LINGO2: variants seen among roughly 807,000 people sequenced by gnomAD.
LINGO2 encodes the protein leucine-rich repeat and immunoglobulin-like domain-containing nogo receptor-interacting protein 2.
Under a neutral mutation model 30.6 loss-of-function variants are expected in LINGO2, and 14 were observed. The ratio of observed to expected loss-of-function variants is 0.46; its 90% CI spans 0.30 to 0.72. LINGO2 has a LOEUF of 0.72. Ranked by LOEUF, LINGO2 falls within the 30% of genes least tolerant of loss-of-function variation. The pLI, the probability that LINGO2 is intolerant of heterozygous loss-of-function variation, is 0.07. For synonymous variants in LINGO2, 317 were observed against 288.5 expected (o/e 1.10, Z -1.00); for missense variants, 729 against 751.7 (o/e 0.97, Z 0.35).
intron 4 of LINGO2, among the ~76,000 whole-genome samples, chr9:28,158,666 T>C (rs1279723526): frequency 1.3e-5 from 2 of 152,100 alleles, no homozygotes; most frequent in Non-Finnish European, 2.9e-5. Context: ...AGGGTAACAA[T>C]GAAGAGCCAC....
At chr9:28,732,303 A>G in the LINGO2 span, among the ~76,000 whole-genome samples, 1 of 152,102 alleles carries the variant, frequency 6.6e-6, no homozygotes, top group Admixed American at 6.6e-5. Flanking sequence ...TTGCCAACCC[A>G]GATGCAAAAT....
chr9:28,708,631 C>T, the LINGO2 span, among the ~76,000 whole-genome samples: 65 of 152,036 alleles, frequency 4.3e-4, no homozygotes, highest in African/African-American at 1.2e-3. Flanking sequence ...GGAACTCAGC[C>T]GAGAAAGCCA....
At chr9:28,574,263 T>C (rs1270858533) in intron 1 of LINGO2, among the ~76,000 whole-genome samples, 1 of 152,294 alleles carries the variant, frequency 6.6e-6, no homozygotes, top group East Asian at 1.9e-4. Context: ...AAATTTAACA[T>C]TTGCAATAAT....
chr9:28,393,486 G>T (rs1821917262), intron 2 of LINGO2, among the ~76,000 whole-genome samples: 1 of 151,070 alleles, frequency 6.6e-6, no homozygotes, highest in Non-Finnish European at 1.5e-5. Flanking sequence ...TGTTTTGCTG[G>T]TTGCCAAATC....
At chr9:28,592,218 G>C (rs1426066635) in intron 1 of LINGO2, among the ~76,000 whole-genome samples, 2 of 152,022 alleles carry the variant, frequency 1.3e-5, no homozygotes, top group Admixed American at 1.3e-4. Flanking sequence ...AGAAAACGGA[G>C]TATTAAAAAG....
the LINGO2 span, among the ~76,000 whole-genome samples, chr9:28,943,521 T>C: frequency 6.6e-6 from 1 of 152,310 alleles, no homozygotes; most frequent in Non-Finnish European, 1.5e-5. Flanking sequence ...CTTATTGTTT[T>C]ATTTGCATAG....
At chr9:28,173,196 G>A (rs1174142629) in intron 4 of LINGO2, among the ~76,000 whole-genome samples, 1 of 152,164 alleles carries the variant, frequency 6.6e-6, no homozygotes, top group African/African-American at 2.4e-5. Flanking sequence ...GTGTATCAGT[G>A]TATTACACTA....
chr9:28,921,227 G>A, the LINGO2 span, among the ~76,000 whole-genome samples: 1 of 152,080 alleles, frequency 6.6e-6, no homozygotes, highest in African/African-American at 2.4e-5. Context: ...CTAATCACTG[G>A]AAAAATAATA....
chr9:29,142,986 A>C, the LINGO2 span, among the ~76,000 whole-genome samples: 1 of 152,040 alleles, frequency 6.6e-6, no homozygotes, highest in Non-Finnish European at 1.5e-5. Flanking sequence ...AATCAGTGGA[A>C]TTTTAATTCT....
intron 2 of LINGO2, among the ~76,000 whole-genome samples, chr9:28,453,410 C>T (rs967040844): frequency 6.6e-6 from 1 of 151,752 alleles, no homozygotes; most frequent in African/African-American, 2.4e-5. Flanking sequence ...TATAAAGAAA[C>T]CTGATGCAAC....
At chr9:29,187,732 T>C in the LINGO2 span, among the ~76,000 whole-genome samples, 1 of 151,658 alleles carries the variant, frequency 6.6e-6, no homozygotes, top group Admixed American at 6.6e-5. Context: ...GTAAATTCAA[T>C]GGTCTAGGTA....
At chr9:28,689,826 A>C in the LINGO2 span, among the ~76,000 whole-genome samples, 17 of 152,236 alleles carry the variant, frequency 1.1e-4, no homozygotes, top group African/African-American at 3.8e-4. Flanking sequence ...AACCTAAATG[A>C]CCATCAATGA....
chr9:28,437,854 C>T (rs1824016181), intron 2 of LINGO2, among the ~76,000 whole-genome samples: 1 of 152,094 alleles, frequency 6.6e-6, no homozygotes, highest in Non-Finnish European at 1.5e-5. Flanking sequence ...AAAATTCTGC[C>T]AGGCATAATT....
At chr9:28,304,912 T>G (rs1201497032) in intron 3 of LINGO2, among the ~76,000 whole-genome samples, 1 of 152,016 alleles carries the variant, frequency 6.6e-6, no homozygotes, top group African/African-American at 2.4e-5. Flanking sequence ...AAGTTAGCAA[T>G]AAGATGTAAA....
At position 28,284,275 on chromosome 9, in the gene LINGO2, T is replaced by G. The variant is rs144827798; in HGVS notation, c.-87+10933A>C. On this transcript the variant is annotated intron_variant, in intron 4 of 5. Transcript: ENST00000379992. The stretch of plus-strand genomic sequence containing the variant: ...TTTGCTGATGTTGGGTGAACTCACT[T>G]CCTCCCACTGTAGTTTTCCCATTTA... Among the ~76,000 whole-genome samples the G allele has an allele frequency of 2.3e-3, 343 of 152,236 alleles. 1 individual carries two copies. Among genetic ancestry groups the G allele is most frequent in the African/African-American group, 8.1e-3 (335 of 41,562 alleles).
intron 1 of LINGO2, among the ~76,000 whole-genome samples, chr9:28,546,868 T>G (rs771230351): frequency 2.0e-5 from 3 of 152,030 alleles, no homozygotes; most frequent in Non-Finnish European, 4.4e-5. Flanking sequence ...TCAGTTAAAT[T>G]AGAGAAGTAG....
intron 1 of LINGO2, among the ~76,000 whole-genome samples, chr9:28,542,649 C>G (rs1821752568): frequency 6.6e-6 from 1 of 151,946 alleles, no homozygotes; most frequent in African/African-American, 2.4e-5. Flanking sequence ...TGATCCTTTA[C>G]CCCATCACCA....
chr9:28,142,324 A>G (rs1827696755), intron 4 of LINGO2, among the ~76,000 whole-genome samples: 1 of 152,098 alleles, frequency 6.6e-6, no homozygotes, highest in African/African-American at 2.4e-5. Context: ...CCTTAAAGTA[A>G]GTATTTTTAA....
At chr9:28,316,783 G>A (rs1256582234) in intron 3 of LINGO2, among the ~76,000 whole-genome samples, 3 of 152,140 alleles carry the variant, frequency 2.0e-5, no homozygotes, top group Non-Finnish European at 4.4e-5. Flanking sequence ...ATGCCAAGAA[G>A]TTCCAAGAAG....
Sources: gnomAD v4.1 joint callset for allele counts (sites outside exome capture counted in the v4.1 genomes callset) on GRCh38, gnomAD v4.1.1 for gene constraint, MANE v1.5 for transcripts, NCBI Gene and HGNC (gene_info 2026-07-23, HGNC 2026-07-21) for gene names.